KSR1: variants seen among roughly 807,000 people sequenced by gnomAD.
KSR1 encodes the protein kinase suppressor of ras 1, also known as kinase suppressor of ras.
Under a neutral mutation model 92.9 loss-of-function variants are expected in KSR1, and 35 were observed. That is an observed-to-expected ratio of 0.38 (90% CI 0.29 to 0.50). The LOEUF is 0.50. Among genes scored for constraint, KSR1 ranks in the 20% least tolerant of loss-of-function variants. The probability of loss-of-function intolerance (pLI) is 0.94; values close to 1 mark genes in which losing one functional copy is unlikely to be tolerated. For synonymous variants in KSR1, 467 were observed against 472.6 expected (o/e 0.99, Z 0.15); for missense variants, 972 against 1,158.5 (o/e 0.84, Z 2.34).
chr17:27,602,859 T>A (rs1161479799), intron 11 of KSR1, among the ~76,000 whole-genome samples: 2 of 152,244 alleles, frequency 1.3e-5, no homozygotes, highest in East Asian at 3.9e-4. Context: ...TCTATCAGAT[T>A]CTCCAAGTCT....
intron 2 of KSR1, among the ~76,000 whole-genome samples, chr17:27,556,853 C>A (rs1185010078): frequency 6.6e-6 from 1 of 152,218 alleles, no homozygotes; most frequent in Non-Finnish European, 1.5e-5. Context: ...TATGTCCAGA[C>A]TGGCCTGGTG....
chr17:27,537,987 A>G (rs1160590191), intron 1 of KSR1, among the ~76,000 whole-genome samples: 2 of 152,246 alleles, frequency 1.3e-5, no homozygotes, highest in African/African-American at 4.8e-5. Context: ...CAAACAGACA[A>G]AAAGATTGTT....
At chr17:27,465,526 T>C (rs979281400) in intron 1 of KSR1, 1 of 152,000 alleles carries the variant, frequency 6.6e-6, no homozygotes, top group Non-Finnish European at 1.5e-5. Flanking sequence ...TATAATTAAA[T>C]TAAAATTTAA....
chr17:27,495,433 T>C (rs9889404), intron 1 of KSR1, among the ~76,000 whole-genome samples: 2,488 of 152,274 alleles, frequency 0.016, 71 homozygotes, highest in African/African-American at 0.055. Flanking sequence ...GTGAGGTGCA[T>C]TGGACAACCT....
intron 2 of KSR1, among the ~76,000 whole-genome samples, chr17:27,566,207 C>T (rs1292652001): frequency 6.6e-6 from 1 of 152,170 alleles, no homozygotes; most frequent in African/African-American, 2.4e-5. Flanking sequence ...GCCTTGCATC[C>T]TGGACATCCT....
chr17:27,461,844 G>C (rs1182896262), intron 1 of KSR1, among the ~76,000 whole-genome samples: 1 of 152,232 alleles, frequency 6.6e-6, no homozygotes. Context: ...AAAGTGCGCC[G>C]CAGGTATTCT....
At chr17:27,519,384 A>G (rs2069929539) in intron 1 of KSR1, among the ~76,000 whole-genome samples, 2 of 152,080 alleles carry the variant, frequency 1.3e-5, no homozygotes, top group Admixed American at 1.3e-4. Context: ...AGGACAGGAA[A>G]TCCCTCCAGG....
intron 1 of KSR1, among the ~76,000 whole-genome samples, chr17:27,539,261 G>T (rs1202822950): frequency 1.3e-5 from 2 of 152,156 alleles, no homozygotes; most frequent in Non-Finnish European, 2.9e-5. Flanking sequence ...TGGGCCTGGT[G>T]ACCTTCAGAC....
At position 27,592,646 on chromosome 17, in the gene KSR1, G is replaced by A. The variant is rs1214185862; in HGVS notation, c.1299+20G>A. On this transcript the variant is annotated intron_variant, in intron 9 of 20. Coordinates refer to ENST00000644974, the MANE Select transcript of KSR1 (RefSeq NM_001394583.1). ...AAGAAGGTACGCTGGGTAATGCTGG[G>A]GAGGACGCCCTTCTGCCACTGGCCT... 1 of 1,600,566 alleles carries A rather than the reference G, an allele frequency of 6.2e-7. No individual in the cohort carries two copies. Among genetic ancestry groups the A allele is most frequent in the African/African-American group, 1.3e-5 (1 of 74,574 alleles).
In KSR1 at chr17:27,605,782, A is replaced by G; in HGVS notation, c.1963A>G (p.Met655Val). The G allele has an allele frequency of 6.2e-7, 1 of 1,612,670 alleles. No homozygotes were observed. Among genetic ancestry groups the G allele is most frequent in the Non-Finnish European group, 8.5e-7 (1 of 1,179,800 alleles). Residue 655 changes from methionine (M) to valine (V), a missense_variant, in exon 14 of 21, where the codon ATG becomes GTG. This residue lies in a region of KSR1 where 260 missense variants were observed against 375.2 expected (regional missense o/e 0.69). Transcript: ENST00000644974. ...ENVVLFMGAC[M>V]NPPHLAIITS... ...CGTGGTGCTCTTCATGGGGGCCTGC[A>G]TGAACCCGCCCCACCTGGCCATTAT...
At chr17:27,470,758 C>G (rs1439819786) in intron 1 of KSR1, among the ~76,000 whole-genome samples, 2 of 152,174 alleles carry the variant, frequency 1.3e-5, no homozygotes, top group African/African-American at 4.8e-5. Flanking sequence ...ACAATTCTTT[C>G]TGACCTTTGT....
Position 27,605,415 on chromosome 17 carries a change from C to A in KSR1, c.1615-19C>A. 1 of 1,603,492 alleles carries A rather than the reference C, an allele frequency of 6.2e-7. No homozygotes were observed. Among genetic ancestry groups the A allele is most frequent in the South Asian group, 1.1e-5 (1 of 89,362 alleles). ...CCCAGATCTGCTGCCCATCCCTGTT[C>A]TTCCTGCTCTCCTTTCAGGCTGAGG... On this transcript the variant is annotated intron_variant, in intron 13 of 20. Transcript: ENST00000644974.
At chr17:27,563,981 CTTTTTT>C (rs200904358) in intron 2 of KSR1, among the ~76,000 whole-genome samples, 3 of 46,874 alleles carry the variant, frequency 6.4e-5, no homozygotes, top group African/African-American at 9.3e-5. Context: ...TATTCGGTAG[CTTTTTT>C]TTTTTTTTTT....
chr17:27,487,308 G>T (rs1042238560), intron 1 of KSR1, among the ~76,000 whole-genome samples: 1 of 152,018 alleles, frequency 6.6e-6, no homozygotes, highest in Admixed American at 6.6e-5. Context: ...GATAGCGCAC[G>T]TCTGTAATCC....
chr17:27,549,481 C>G (rs2071312925), intron 1 of KSR1, among the ~76,000 whole-genome samples: 1 of 152,258 alleles, frequency 6.6e-6, no homozygotes, highest in South Asian at 2.1e-4. Flanking sequence ...GTTCCCCAGT[C>G]CAATGCTGGG....
intron 10 of KSR1, among the ~76,000 whole-genome samples, chr17:27,600,910 A>T (rs1338668012): frequency 6.6e-6 from 1 of 152,166 alleles, no homozygotes; most frequent in Non-Finnish European, 1.5e-5. Flanking sequence ...CTTTTCAGTC[A>T]CCTATGAGAG....
In KSR1 at chr17:27,553,274, A is replaced by G. The variant is rs1225390131; in HGVS notation, c.372+2566A>G. 2.0e-5 allele frequency among the ~76,000 whole-genome samples: 3 copies of G among 152,350 alleles called. No individual in the cohort carries two copies. In the South Asian group the frequency reaches 6.2e-4, roughly 32 times the overall value. Reference sequence around the variant, plus strand: ...CTTACCCTCAGCTGCTGTTAATCCCAGGTGAGAGCCAGACCCAGCAGAGGC... The same window carrying G: ...CTTACCCTCAGCTGCTGTTAATCCCGGGTGAGAGCCAGACCCAGCAGAGGC... On this transcript the variant is annotated intron_variant, in intron 2 of 20. Coordinates refer to ENST00000644974, the MANE Select transcript of KSR1 (RefSeq NM_001394583.1).
intron 1 of KSR1, among the ~76,000 whole-genome samples, chr17:27,545,042 G>A (rs2071112071): frequency 6.6e-6 from 1 of 152,234 alleles, no homozygotes; most frequent in South Asian, 2.1e-4. Flanking sequence ...CACCAGACCT[G>A]CCAGTAGCTG....
chr17:27,582,505 G>C, intron 3 of KSR1, 141 bp from the exon 4 acceptor site: 1 of 723,322 alleles, frequency 1.4e-6, no homozygotes. Context: ...TTATAAACCA[G>C]GTAAAGGTTG....
Sources: gnomAD v4.1 joint callset for allele counts (sites outside exome capture counted in the v4.1 genomes callset) on GRCh38, gnomAD v4.1.1 for gene constraint, gnomAD v4.1.1 regional missense constraint, MANE v1.5 for transcripts, NCBI Gene and HGNC (gene_info 2026-07-23, HGNC 2026-07-21) for gene names.